COL5A1: variants seen among roughly 807,000 people sequenced by gnomAD.
COL5A1 encodes the protein collagen type V alpha 1 chain, also known as collagen alpha-1(V) chain.
A neutral mutation model predicts 263.7 loss-of-function variants in COL5A1; 16 were observed. The observed-to-expected ratio is 0.06, with a 90% CI of 0.04 to 0.09. The LOEUF (loss-of-function observed/expected upper bound fraction) is 0.09. Ranked by LOEUF, COL5A1 falls within the 10% of genes least tolerant of loss-of-function variation. The pLI, the probability that COL5A1 is intolerant of heterozygous loss-of-function variation, is 1.00. For missense variants in COL5A1, 2,036 were observed against 2,540.5 expected (o/e 0.80, Z 4.27); for synonymous variants, 1,012 against 1,004.5 (o/e 1.01, Z -0.14).
rs1837828957 is a variant in COL5A1 at position 134,794,617 on chromosome 9, A to G, written c.2701-465A>G. Reference sequence around the variant, plus strand: ...TTTGCGCGTCTGCAGAGCCTGTTGAAAATTTAATGGCTAATATTCTTAACT... The same window carrying G: ...TTTGCGCGTCTGCAGAGCCTGTTGAGAATTTAATGGCTAATATTCTTAACT... On this transcript the variant is annotated intron_variant, in intron 32 of 65. Coordinates refer to ENST00000371817, the MANE Select transcript of COL5A1 (RefSeq NM_000093.5). This position sits in a 1 kb window ranked among gnomAD's most constrained non-coding sequence, Gnocchi z 4.3. 6.6e-6 allele frequency among the ~76,000 whole-genome samples: 1 copy of G among 152,232 alleles called. No homozygotes were observed. Among genetic ancestry groups the G allele is most frequent in the South Asian group, 2.1e-4 (1 of 4,832 alleles).
intron 4 of COL5A1, among the ~76,000 whole-genome samples, chr9:134,724,716 G>A (rs746723032): frequency 1.3e-5 from 2 of 152,296 alleles, no homozygotes; most frequent in African/African-American, 2.4e-5. Context: ...AGTACACAGC[G>A]CAAAGCCACG....
chr9:134,792,474 C>G (rs887031861), intron 32 of COL5A1, among the ~76,000 whole-genome samples: 4 of 152,186 alleles, frequency 2.6e-5, no homozygotes, highest in Non-Finnish European at 4.4e-5. Context: ...CTCCCAGGCT[C>G]AAGCAATTCT....
rs370473180 is a variant in COL5A1, at chr9:134,718,788, C to G, written c.655-8478C>G. ...GTCAGCCCTCCTCCCATATGGCCTG[C>G]GAGAGTGGCGCTGCCTCTCAGACCC... On this transcript the variant is annotated intron_variant, in intron 4 of 65. Coordinates refer to ENST00000371817, the MANE Select transcript of COL5A1 (RefSeq NM_000093.5). Among the ~76,000 whole-genome samples the G allele has an allele frequency of 2.4e-4, 36 of 152,260 alleles. No homozygotes were observed. The East Asian group carries it at 7.0e-3, about 29-fold the overall frequency.
chr9:134,802,091 C>G (rs538147912), intron 38 of COL5A1, 84 bp downstream of exon 38: 1 of 1,361,778 alleles, frequency 7.3e-7, no homozygotes, highest in South Asian at 1.2e-5. Flanking sequence ...GGCATCTGTT[C>G]CCTCCACGAT....
chr9:134,688,166 G>A (rs1833143701), intron 1 of COL5A1, among the ~76,000 whole-genome samples: 1 of 152,224 alleles, frequency 6.6e-6, no homozygotes, highest in African/African-American at 2.4e-5. Context: ...TCTTAAACTT[G>A]TTGCAACAGA....
intron 32 of COL5A1, among the ~76,000 whole-genome samples, chr9:134,792,174 C>A (rs943889346): frequency 3.3e-5 from 5 of 152,206 alleles, no homozygotes; most frequent in African/African-American, 1.2e-4. Flanking sequence ...CAGAGCCTGC[C>A]GGGGCAGCCA....
At chr9:134,764,348 G>T (rs1836581935) in intron 20 of COL5A1, among the ~76,000 whole-genome samples, 1 of 134,582 alleles carries the variant, frequency 7.4e-6, no homozygotes, top group Non-Finnish European at 1.6e-5. Flanking sequence ...GGGTTCAAGG[G>T]CATTGTGGGG....
At chr9:134,759,718 C>CACG (rs1836205451) in intron 18 of COL5A1, among the ~76,000 whole-genome samples, 1 of 79,032 alleles carries the variant, frequency 1.3e-5, no homozygotes, top group African/African-American at 6.9e-5. Flanking sequence ...ACACACCCCC[C>CACG]CACCCCCACA....
At chr9:134,749,174 G>T (rs529587992) in intron 11 of COL5A1, among the ~76,000 whole-genome samples, 1 of 152,298 alleles carries the variant, frequency 6.6e-6, no homozygotes, top group South Asian at 2.1e-4. Flanking sequence ...GGCGGAGGTT[G>T]CAGTGAGCTG....
In COL5A1 at chr9:134,696,170, A is replaced by ATT. The variant is rs1833456389; in HGVS notation, c.278-3739_278-3738insTT. On this transcript the variant is annotated intron_variant, in intron 2 of 65. Transcript: ENST00000371817. The surrounding 1 kb of genome is among the most constrained non-coding windows in gnomAD (Gnocchi z 4.3). ...CCCCACTGCCCCCTGCATTATTTGC[A>ATT]ATTATTATTATTATTATTATTGAGA... Among the ~76,000 whole-genome samples the ATT allele has an allele frequency of 1.3e-5, 2 of 151,122 alleles. No individual in the cohort carries two copies. The highest frequency in any genetic ancestry group is 2.9e-5 in the Non-Finnish European group (2 of 67,816).
chr9:134,782,575 G>A, intron 28 of COL5A1, 92 bp from the exon 29 acceptor site: 1 of 1,212,442 alleles, frequency 8.2e-7, no homozygotes, highest in Non-Finnish European at 1.2e-6. Flanking sequence ...GGGGGACCTG[G>A]TGCTGAGTGT....
At chr9:134,791,325 G>C (rs911069860) in intron 32 of COL5A1, among the ~76,000 whole-genome samples, 1 of 152,210 alleles carries the variant, frequency 6.6e-6, no homozygotes, top group African/African-American at 2.4e-5. Flanking sequence ...CCATGGTAGT[G>C]GTGGTTCATG....
At chr9:134,786,867 T>C (rs1837478550) in intron 31 of COL5A1, among the ~76,000 whole-genome samples, 1 of 152,228 alleles carries the variant, frequency 6.6e-6, no homozygotes, top group South Asian at 2.1e-4. Flanking sequence ...TCGGTCTCAC[T>C]GGAGCAGTCT....
intron 25 of COL5A1, among the ~76,000 whole-genome samples, chr9:134,770,535 A>T (rs1836833404): frequency 6.6e-6 from 1 of 152,238 alleles, no homozygotes; most frequent in Non-Finnish European, 1.5e-5. Context: ...GTAATATTAA[A>T]TTAAAAATAG....
chr9:134,701,220 C>T lies in COL5A1; in HGVS notation c.541C>T (p.Leu181Phe). 6.2e-7 allele frequency: 1 copy of T among 1,613,990 alleles called. No homozygotes were observed. The highest frequency in any genetic ancestry group is 8.5e-7 in the Non-Finnish European group (1 of 1,180,014). ...SVHKKNVTLI[L>F]DCKKKTTKFL... is the part of the protein sequence containing the mutation. ...CCACAAGAAAAATGTCACCTTGATC[C>T]TCGACTGTAAAAAGAAGACCACCAA... Residue 181 changes from leucine (L) to phenylalanine (F), a missense_variant, in exon 4 of 66, where the codon CTC (leucine) becomes TTC (phenylalanine). Leu to Phe is a conservative substitution (Grantham distance 22). Coordinates refer to ENST00000371817, the MANE Select transcript of COL5A1 (RefSeq NM_000093.5).
chr9:134,687,614 C>T (rs1255523423), intron 1 of COL5A1, among the ~76,000 whole-genome samples: 4 of 152,168 alleles, frequency 2.6e-5, no homozygotes, highest in South Asian at 4.1e-4. Flanking sequence ...ATCAGATGGT[C>T]GGTCTCAGGA....
At chr9:134,643,401 T>C (rs1245547296) in intron 1 of COL5A1, among the ~76,000 whole-genome samples, 1 of 152,198 alleles carries the variant, frequency 6.6e-6, no homozygotes, top group East Asian at 1.9e-4. Context: ...GCCCGCCGCC[T>C]GCCAGCAAGA....
At chr9:134,792,869 G>A (rs1437197231) in intron 32 of COL5A1, among the ~76,000 whole-genome samples, 5 of 33,216 alleles carry the variant, frequency 1.5e-4, no homozygotes, top group Admixed American at 3.5e-4. Flanking sequence ...GTGTGTGCGC[G>A]CGTTTGTGCA....
At chr9:134,694,095 C>T (rs543713226) in intron 2 of COL5A1, among the ~76,000 whole-genome samples, 16 of 152,320 alleles carry the variant, frequency 1.1e-4, no homozygotes, top group African/African-American at 3.1e-4. Context: ...TATCTCTTGG[C>T]GAGAGGGGAA....
Sources: allele counts gnomAD v4.1 joint callset (sites outside exome capture counted in the v4.1 genomes callset), GRCh38; gene constraint gnomAD v4.1.1; non-coding constraint Gnocchi (gnomAD v3.1); transcripts MANE v1.5; gene names NCBI Gene and HGNC (gene_info 2026-07-23, HGNC 2026-07-21).